NAV2: variants seen among roughly 807,000 people sequenced by gnomAD.
NAV2 encodes the protein helicase, APC down-regulated 1.
NAV2 carries 54 observed loss-of-function variants against 223.2 expected under a neutral mutation model. That is an observed-to-expected ratio of 0.24 (90% CI 0.19 to 0.30). The LOEUF (loss-of-function observed/expected upper bound fraction) is 0.30. Among genes scored for constraint, NAV2 ranks in the 10% least tolerant of loss-of-function variants. The pLI is 1.00. For missense variants in NAV2, 2,806 were observed against 3,147.5 expected, an observed-to-expected ratio of 0.89 and a Z score of 2.60; for synonymous variants, 1,279 against 1,239.3, an observed-to-expected ratio of 1.03 and a Z score of -0.67.
chr11:19,425,529 G>C (rs1039312808), intron 1 of NAV2, among the ~76,000 whole-genome samples: 3 of 152,184 alleles, frequency 2.0e-5, no homozygotes, highest in Non-Finnish European at 4.4e-5. Flanking sequence ...AATTAGAGGG[G>C]CATGTAGCCA....
At chr11:19,701,760 AT>A (rs1194837816) in intron 1 of NAV2, among the ~76,000 whole-genome samples, 6 of 152,254 alleles carry the variant, frequency 3.9e-5, no homozygotes, top group Non-Finnish European at 8.8e-5. Flanking sequence ...AAGCCAAAAA[AT>A]AAAAGACAAT....
intron 4 of NAV2, among the ~76,000 whole-genome samples, 178 bp downstream of exon 4, chr11:19,869,175 G>A (rs1045894924): frequency 6.6e-6 from 1 of 152,208 alleles, no homozygotes; most frequent in Non-Finnish European, 1.5e-5. Context: ...CTCACTCCAA[G>A]AATGTGGATT....
intron 1 of NAV2, among the ~76,000 whole-genome samples, chr11:19,744,964 A>G (rs917309677): frequency 2.6e-5 from 4 of 152,186 alleles, no homozygotes; most frequent in African/African-American, 9.7e-5. Context: ...ACAGTTTCCC[A>G]TATAGGACTG....
intron 11 of NAV2, among the ~76,000 whole-genome samples, chr11:20,008,950 A>G (rs145322988): frequency 7.0e-4 from 106 of 152,336 alleles, no homozygotes; most frequent in Middle Eastern, 3.4e-3. Context: ...TTTTAAATGA[A>G]TAAGATCACT....
intron 1 of NAV2, among the ~76,000 whole-genome samples, chr11:19,518,168 G>C (rs1369359840): frequency 6.6e-6 from 1 of 152,164 alleles, no homozygotes; most frequent in East Asian, 1.9e-4. Flanking sequence ...GACTCCTAGG[G>C]GAATTTCATC....
intron 3 of NAV2, among the ~76,000 whole-genome samples, chr11:19,848,687 ACAGAGTTGCTGGCCT>A (rs2060946153): frequency 1.3e-5 from 2 of 152,312 alleles, no homozygotes; most frequent in East Asian, 3.9e-4. Flanking sequence ...GTTGCTGGCC[ACAGAGTTGCTGGCCT>A]CAGTAGATGT....
intron 1 of NAV2, among the ~76,000 whole-genome samples, chr11:19,625,819 T>C (rs2047153762): frequency 6.6e-6 from 1 of 152,202 alleles, no homozygotes; most frequent in Non-Finnish European, 1.5e-5. Flanking sequence ...ACATTTTTTT[T>C]CATATATTTC....
intron 3 of NAV2, among the ~76,000 whole-genome samples, chr11:19,857,488 G>A (rs989148065): frequency 2.6e-5 from 4 of 152,196 alleles, no homozygotes; most frequent in Non-Finnish European, 5.9e-5. Context: ...GTCTGCCTGC[G>A]TTTTCTGCCC....
At chr11:19,654,320 G>A (rs1453177566) in intron 1 of NAV2, among the ~76,000 whole-genome samples, 1 of 152,162 alleles carries the variant, frequency 6.6e-6, no homozygotes, top group Non-Finnish European at 1.5e-5. Flanking sequence ...TACTGCCAAA[G>A]GTAATTTACA....
intron 1 of NAV2, among the ~76,000 whole-genome samples, chr11:19,426,586 A>T (rs1328394236): frequency 1.3e-5 from 2 of 152,210 alleles, no homozygotes; most frequent in African/African-American, 4.8e-5. Flanking sequence ...AGTCTCTCAT[A>T]GGAAACTTGC....
At chr11:20,011,905 T>C (rs1451993099) in intron 11 of NAV2, among the ~76,000 whole-genome samples, 1 of 152,240 alleles carries the variant, frequency 6.6e-6, no homozygotes, top group Non-Finnish European at 1.5e-5. Context: ...AGACCATTCT[T>C]GGACCTAATG....
chr11:19,468,249 T>C (rs1293874542), intron 1 of NAV2, among the ~76,000 whole-genome samples: 1 of 152,068 alleles, frequency 6.6e-6, no homozygotes, highest in Non-Finnish European at 1.5e-5. Flanking sequence ...ATGCCTAGAG[T>C]TGTATATTAG....
intron 1 of NAV2, among the ~76,000 whole-genome samples, chr11:19,640,077 T>C (rs1033363802): frequency 6.6e-6 from 1 of 152,228 alleles, no homozygotes; most frequent in South Asian, 2.1e-4. Flanking sequence ...AAGCAGATAA[T>C]TGAATTCAAA....
intron 1 of NAV2, among the ~76,000 whole-genome samples, chr11:19,565,171 C>T (rs549778431): frequency 3.6e-4 from 55 of 152,100 alleles, no homozygotes; most frequent in Non-Finnish European, 6.3e-4. Flanking sequence ...GCACCGGCCG[C>T]CTAGTGTGTG....
chr11:20,047,347 C>T (rs1045787766), intron 14 of NAV2, among the ~76,000 whole-genome samples: 2 of 152,122 alleles, frequency 1.3e-5, no homozygotes, highest in Admixed American at 1.3e-4. Context: ...TTAAGGTATT[C>T]TTAGTTCTCT....
intron 22 of NAV2, among the ~76,000 whole-genome samples, chr11:20,068,835 G>C (rs2059214488): frequency 6.6e-6 from 1 of 152,184 alleles, no homozygotes; most frequent in South Asian, 2.1e-4. Context: ...ACACGATTAT[G>C]AGTTTAGGAG....
intron 1 of NAV2, among the ~76,000 whole-genome samples, chr11:19,769,748 GGTAAT>G (rs139540358): frequency 0.025 from 3,777 of 152,226 alleles, 171 homozygotes; most frequent in African/African-American, 0.087. Flanking sequence ...CCTCCCATCA[GGTAAT>G]AATTTTTTAA....
intron 5 of NAV2, among the ~76,000 whole-genome samples, chr11:19,883,676 C>T (rs1353802804): frequency 1.3e-5 from 2 of 152,174 alleles, no homozygotes; most frequent in African/African-American, 4.8e-5. Flanking sequence ...TTCTATCTTT[C>T]AGAAAGCAGT....
intron 1 of NAV2, among the ~76,000 whole-genome samples, chr11:19,744,577 A>T (rs201981833): frequency 2.8e-3 from 355 of 128,852 alleles, no homozygotes; most frequent in Middle Eastern, 0.016. Context: ...TTTTTTTTTT[A>T]AAGATTTGTG....
Sources: gnomAD v4.1 joint callset for allele counts (sites outside exome capture counted in the v4.1 genomes callset) on GRCh38, gnomAD v4.1.1 for gene constraint, MANE v1.5 for transcripts, NCBI Gene and HGNC (gene_info 2026-07-23, HGNC 2026-07-21) for gene names.